Variants in GABRB1 observed in about 807,000 individuals in gnomAD.
The protein encoded by GABRB1 is gamma-aminobutyric acid type A receptor subunit beta1.
GABRB1 carries 17 observed loss-of-function variants against 51.6 expected under a neutral mutation model. The observed-to-expected ratio is 0.33, with a 90% confidence interval of 0.23 to 0.49. The LOEUF is 0.49. Ranked by LOEUF, GABRB1 falls within the 20% of genes least tolerant of loss-of-function variation. GABRB1 has a pLI of 0.99. For synonymous variants in GABRB1, 247 were observed against 218.9 expected (o/e 1.13, Z -1.14); for missense variants, 410 against 600.6 (o/e 0.68, Z 3.32).
chr4:47,048,824 A>G (rs546970034), intron 3 of GABRB1, among the ~76,000 whole-genome samples: 1 of 152,196 alleles, frequency 6.6e-6, no homozygotes, highest in East Asian at 1.9e-4. Context: ...TTTATCCAAC[A>G]ATAATTTCTT....
chr4:47,313,557 A>G (rs1208518769), intron 4 of GABRB1, among the ~76,000 whole-genome samples: 1 of 152,132 alleles, frequency 6.6e-6, no homozygotes, highest in Non-Finnish European at 1.5e-5. Context: ...CCAGAAGACA[A>G]GAGAGCTGAA....
At chr4:47,233,919 T>G (rs911890013) in intron 4 of GABRB1, among the ~76,000 whole-genome samples, 1 of 152,190 alleles carries the variant, frequency 6.6e-6, no homozygotes. Context: ...AACCTACTTA[T>G]GAAAAATAAA....
intron 5 of GABRB1, among the ~76,000 whole-genome samples, chr4:47,328,668 C>A (rs938178012): frequency 6.6e-6 from 1 of 151,524 alleles, no homozygotes; most frequent in Non-Finnish European, 1.5e-5. Flanking sequence ...ATCACAAGGA[C>A]GAAAAACCAA....
chr4:47,101,528 T>C (rs958597956), intron 3 of GABRB1, among the ~76,000 whole-genome samples: 1 of 152,000 alleles, frequency 6.6e-6, no homozygotes, highest in Non-Finnish European at 1.5e-5. Context: ...TAACCTCTTT[T>C]TTTTGTTTTG....
chr4:46,994,439 G>C (rs1215655657), intron 1 of GABRB1: 2 of 151,086 alleles, frequency 1.3e-5, no homozygotes, highest in East Asian at 1.9e-4. Flanking sequence ...CGGCTGGAGA[G>C]AGAGTGGGGG....
chr4:47,169,977 T>C (rs950065373), intron 4 of GABRB1, among the ~76,000 whole-genome samples: 18 of 152,170 alleles, frequency 1.2e-4, no homozygotes, highest in African/African-American at 4.3e-4. Context: ...ACAGCCTAAA[T>C]GGGAGTAGCT....
chr4:47,298,514 A>G (rs999819935), intron 4 of GABRB1, among the ~76,000 whole-genome samples: 1 of 152,216 alleles, frequency 6.6e-6, no homozygotes, highest in African/African-American at 2.4e-5. Context: ...TAAAATACCT[A>G]GGAATCCAAC....
At chr4:47,005,262 C>CA (rs1406561079) in intron 1 of GABRB1, among the ~76,000 whole-genome samples, 9 of 152,190 alleles carry the variant, frequency 5.9e-5, no homozygotes, top group African/African-American at 2.2e-4. Flanking sequence ...ACTAAAAATA[C>CA]AAAAAATTAG....
At chr4:47,280,445 G>T (rs1723245708) in intron 4 of GABRB1, among the ~76,000 whole-genome samples, 1 of 150,750 alleles carries the variant, frequency 6.6e-6, no homozygotes, top group African/African-American at 2.4e-5. Flanking sequence ...TTATAAGAAT[G>T]CTCTATATAC....
intron 4 of GABRB1, among the ~76,000 whole-genome samples, chr4:47,305,052 A>G (rs1361647705): frequency 3.9e-5 from 6 of 152,034 alleles, no homozygotes; most frequent in African/African-American, 1.4e-4. Context: ...AGAAACCAAC[A>G]TTTTGTACTT....
intron 5 of GABRB1, among the ~76,000 whole-genome samples, chr4:47,346,175 C>A (rs948568134): frequency 6.6e-6 from 1 of 152,140 alleles, no homozygotes; most frequent in Non-Finnish European, 1.5e-5. Context: ...TGTGAAACAT[C>A]CTTCAGGAGA....
intron 3 of GABRB1, among the ~76,000 whole-genome samples, chr4:47,111,959 A>AAGT (rs1715230932): frequency 1.4e-5 from 2 of 140,596 alleles, no homozygotes. Context: ...CATGAATACA[A>AAGT]AGTAGTATTC....
chr4:47,372,946 G>A (rs1387758960), intron 5 of GABRB1, among the ~76,000 whole-genome samples: 1 of 152,100 alleles, frequency 6.6e-6, no homozygotes, highest in Non-Finnish European at 1.5e-5. Context: ...CCTGACCTTG[G>A]GAGTCACCAA....
intron 4 of GABRB1, among the ~76,000 whole-genome samples, chr4:47,292,441 AT>A (rs781017093): frequency 1.4e-4 from 21 of 152,266 alleles, no homozygotes; most frequent in Non-Finnish European, 2.4e-4. Flanking sequence ...ACAAATTATA[AT>A]TGAAAATACT....
At chr4:47,111,856 C>G (rs902235672) in intron 3 of GABRB1, among the ~76,000 whole-genome samples, 1 of 152,042 alleles carries the variant, frequency 6.6e-6, no homozygotes, top group Non-Finnish European at 1.5e-5. Context: ...GAGTGAGACC[C>G]TGCAATGCAA....
intron 5 of GABRB1, 51 bp downstream of exon 5, chr4:47,320,260 G>A (rs572503511): frequency 8.5e-7 from 1 of 1,181,814 alleles, no homozygotes; most frequent in East Asian, 2.3e-5. Flanking sequence ...CCTTGACCCA[G>A]TTGAATTCAA....
intron 4 of GABRB1, among the ~76,000 whole-genome samples, chr4:47,281,644 T>A (rs1388346344): frequency 6.6e-6 from 1 of 152,198 alleles, no homozygotes. Context: ...GGAAGCAATC[T>A]AAGTGTTTAT....
chr4:47,106,745 C>T (rs1209108766), intron 3 of GABRB1, among the ~76,000 whole-genome samples: 3 of 152,114 alleles, frequency 2.0e-5, no homozygotes, highest in East Asian at 1.9e-4. Context: ...CATCTCTTTC[C>T]GAGGTTGCTT....
At chr4:47,104,019 A>G (rs1028037818) in intron 3 of GABRB1, among the ~76,000 whole-genome samples, 14 of 151,826 alleles carry the variant, frequency 9.2e-5, no homozygotes, top group African/African-American at 3.4e-4. Flanking sequence ...TGTAATTCCA[A>G]GTTCCTGTCT....
Sources: gnomAD v4.1 joint callset for allele counts (sites outside exome capture counted in the v4.1 genomes callset) on GRCh38, gnomAD v4.1.1 for gene constraint, MANE v1.5 for transcripts, NCBI Gene and HGNC (gene_info 2026-07-23, HGNC 2026-07-21) for gene names.